The following EPHA3 variants were observed in gnomAD, a reference collection of about 807,000 sequenced individuals.
The protein encoded by EPHA3 is EPH receptor A3, also known as ephrin type-A receptor 3.
EPHA3 carries 42 observed loss-of-function variants against 107.1 expected under a neutral mutation model. That is an observed-to-expected ratio of 0.39 (90% confidence interval 0.31 to 0.51). EPHA3 has a LOEUF of 0.51. Among genes scored for constraint, EPHA3 ranks in the 20% least tolerant of loss-of-function variants. The pLI, the probability that EPHA3 is intolerant of heterozygous loss-of-function variation, is 0.78. For missense variants in EPHA3, 1,183 were observed against 1,211.2 expected (o/e 0.98, Z 0.35); for synonymous variants, 461 against 424.8 (o/e 1.09, Z -1.05).
rs1252440319 is a variant in EPHA3 at position 89,452,484 on chromosome 3, CA to C, written c.2690+2115del. Among the ~76,000 whole-genome samples, 7 of 152,184 alleles carry C rather than the reference CA, an allele frequency of 4.6e-5. No individual in the cohort carries two copies. The East Asian group carries it at 1.4e-3, about 29-fold the overall frequency. On this transcript the variant is annotated intron_variant, in intron 15 of 16. Coordinates refer to ENST00000336596, the MANE Select transcript of EPHA3 (RefSeq NM_005233.6). ...AGTACCTTTACATAAACCTGTTGGC[CA>C]TTTGTCTTCCTCAGAAAAAAATGTC...
At chr3:89,144,391 T>G (rs190599129) in intron 2 of EPHA3, among the ~76,000 whole-genome samples, 34 of 151,684 alleles carry the variant, frequency 2.2e-4, no homozygotes, top group Admixed American at 2.0e-3. Flanking sequence ...CTATGTATCC[T>G]TCCAGTTCTA....
At chr3:89,276,921 A>G (rs1295912021) in intron 3 of EPHA3, among the ~76,000 whole-genome samples, 1 of 152,144 alleles carries the variant, frequency 6.6e-6, no homozygotes, top group Non-Finnish European at 1.5e-5. Context: ...GATGTTATGG[A>G]TCAATTTAAC....
intron 5 of EPHA3, among the ~76,000 whole-genome samples, chr3:89,361,692 G>A (rs1708093830): frequency 6.6e-6 from 1 of 150,900 alleles, no homozygotes; most frequent in South Asian, 2.1e-4. Context: ...AACATTTTCT[G>A]AGCGCTCACC....
chr3:89,419,252 A>G lies in EPHA3; in HGVS notation c.1936A>G (p.Lys646Glu). The change falls in exon 11 of 17, where the codon AAA (lysine) becomes GAA (glutamate). Residue 646 changes from lysine to glutamate, a missense_variant. Transcript: ENST00000336596. ...CSGRLKLPSK[K>E]EISVAIKTLK... ...TGGTCGCTTAAAACTTCCTTCAAAAAAAGAGATTTCAGTGGCCATTAAGAC... is the reference window on the plus strand; with the variant it reads ...TGGTCGCTTAAAACTTCCTTCAAAAGAAGAGATTTCAGTGGCCATTAAGAC... 4 of 1,610,248 alleles carry G rather than the reference A, an allele frequency of 2.5e-6. No homozygotes were observed. Among genetic ancestry groups the G allele is most frequent in the Non-Finnish European group, 3.4e-6 (4 of 1,177,622 alleles).
At chr3:89,251,343 A>G (rs1175057749) in intron 3 of EPHA3, among the ~76,000 whole-genome samples, 7 of 152,064 alleles carry the variant, frequency 4.6e-5, no homozygotes, top group Non-Finnish European at 2.9e-5. Context: ...TAATTTTTTT[A>G]AAAGAGGAGA....
intron 5 of EPHA3, among the ~76,000 whole-genome samples, chr3:89,374,082 C>T (rs1476389034): frequency 6.6e-6 from 1 of 151,844 alleles, no homozygotes; most frequent in African/African-American, 2.4e-5. Flanking sequence ...TCCACACACA[C>T]ACATACTCAG....
At chr3:89,373,178 A>T (rs1236228554) in intron 5 of EPHA3, among the ~76,000 whole-genome samples, 1 of 151,850 alleles carries the variant, frequency 6.6e-6, no homozygotes. Flanking sequence ...AAGGGCAAAG[A>T]CTTACAAAAG....
chr3:89,444,880 C>A (rs987748), intron 13 of EPHA3, among the ~76,000 whole-genome samples: 68,214 of 151,844 alleles, frequency 0.45, 16,712 homozygotes, highest in African/African-American at 0.63. Context: ...TAAACTAATC[C>A]GTCTAATAAG....
chr3:89,325,798 C>A (rs1707151546), intron 3 of EPHA3, among the ~76,000 whole-genome samples: 2 of 151,926 alleles, frequency 1.3e-5, no homozygotes, highest in South Asian at 4.1e-4. Flanking sequence ...TTCACTTACT[C>A]CATTTCTTTT....
intron 2 of EPHA3, among the ~76,000 whole-genome samples, chr3:89,183,373 A>G (rs183809780): frequency 1.6e-4 from 24 of 152,066 alleles, no homozygotes; most frequent in Non-Finnish European, 2.9e-4. Flanking sequence ...GCTTTGGGTG[A>G]GATCTGTAAG....
intron 2 of EPHA3, among the ~76,000 whole-genome samples, chr3:89,157,423 C>G (rs1240335329): frequency 6.6e-6 from 1 of 151,926 alleles, no homozygotes; most frequent in East Asian, 1.9e-4. Context: ...TAGCAAATTC[C>G]TATGGTGTTC....
intron 2 of EPHA3, among the ~76,000 whole-genome samples, chr3:89,195,629 C>G (rs1025518498): frequency 2.0e-5 from 3 of 152,136 alleles, no homozygotes; most frequent in Admixed American, 2.0e-4. Flanking sequence ...AAATATTTCT[C>G]TCATTCAAAA....
intron 3 of EPHA3, among the ~76,000 whole-genome samples, chr3:89,219,777 C>T (rs1345185152): frequency 8.3e-5 from 10 of 120,992 alleles, no homozygotes; most frequent in South Asian, 3.1e-4. Flanking sequence ...GGCGGGATCT[C>T]GGCTCACTGC....
chr3:89,109,076 G>A (rs1435208653), intron 1 of EPHA3, among the ~76,000 whole-genome samples: 1 of 152,004 alleles, frequency 6.6e-6, no homozygotes, highest in African/African-American at 2.4e-5. Context: ...CTGATACTCG[G>A]TGACCTACTT....
At chr3:89,172,196 G>A (rs1705227190) in intron 2 of EPHA3, among the ~76,000 whole-genome samples, 1 of 152,152 alleles carries the variant, frequency 6.6e-6, no homozygotes, top group South Asian at 2.1e-4. Context: ...GCGTGTTGTT[G>A]TGAACATTGT....
chr3:89,405,081 A>C (rs2107514474), intron 7 of EPHA3, among the ~76,000 whole-genome samples: 1 of 152,258 alleles, frequency 6.6e-6, no homozygotes, highest in South Asian at 2.1e-4. Context: ...TTTGTGAAGG[A>C]TAAAAGGCAG....
At chr3:89,145,845 A>G (rs907991755) in intron 2 of EPHA3, among the ~76,000 whole-genome samples, 3 of 151,768 alleles carry the variant, frequency 2.0e-5, no homozygotes, top group African/African-American at 7.3e-5. Flanking sequence ...AAACAATATC[A>G]TCAAAGAAGA....
chr3:89,320,393 G>T (rs1202393713), intron 3 of EPHA3, among the ~76,000 whole-genome samples: 1 of 151,980 alleles, frequency 6.6e-6, no homozygotes, highest in African/African-American at 2.4e-5. Flanking sequence ...CAGAGGAATA[G>T]AATTCAGCAA....
rs150279653 is a variant in EPHA3 at position 89,206,268 on chromosome 3, T to G, written c.154-3592T>G. On this transcript the variant is annotated intron_variant, in intron 2 of 16. Transcript: ENST00000336596. ...GGACTTGTGGTATCTTGCCAAATGT[T>G]AAACTACACTGAGATCTCCATAATT... 5.3e-5 allele frequency among the ~76,000 whole-genome samples: 8 copies of G among 152,306 alleles called. No homozygotes were observed. In the East Asian group the frequency reaches 1.5e-3, roughly 29 times the overall value.
Sources: allele counts gnomAD v4.1 joint callset (sites outside exome capture counted in the v4.1 genomes callset), GRCh38; gene constraint gnomAD v4.1.1; transcripts MANE v1.5; gene names NCBI Gene and HGNC (gene_info 2026-07-23, HGNC 2026-07-21).